Variants in ADGRL2 observed in about 807,000 individuals in gnomAD.
ADGRL2 encodes adhesion G protein-coupled receptor L2.
ADGRL2 carries 44 observed loss-of-function variants against 157.4 expected under a neutral mutation model. The observed-to-expected ratio is 0.28, with a 90% CI of 0.22 to 0.36. The LOEUF is 0.36. ADGRL2 is among the 10% of genes least tolerant of loss of function. The probability of loss-of-function intolerance (pLI) is 1.00; values close to 1 mark genes in which losing one functional copy is unlikely to be tolerated. For synonymous variants in ADGRL2, 585 were observed against 624.7 expected, an observed-to-expected ratio of 0.94 and a Z score of 0.95; for missense variants, 1,510 against 1,768.9, an observed-to-expected ratio of 0.85 and a Z score of 2.63.
intron 1 of ADGRL2, among the ~76,000 whole-genome samples, chr1:81,811,927 A>G (rs2089914583): frequency 6.6e-6 from 1 of 151,490 alleles, no homozygotes; most frequent in Admixed American, 6.6e-5. Flanking sequence ...AAGCAAGGTA[A>G]TGTTTTCTTT....
At chr1:81,756,766 A>G (rs184559645) in intron 1 of ADGRL2, among the ~76,000 whole-genome samples, 11 of 152,326 alleles carry the variant, frequency 7.2e-5, no homozygotes, top group Non-Finnish European at 1.3e-4. Flanking sequence ...AACAAATAAC[A>G]GAATTTTAAA....
intron 3 of ADGRL2, among the ~76,000 whole-genome samples, chr1:81,624,454 G>A (rs182104058): frequency 2.0e-5 from 3 of 152,068 alleles, no homozygotes; most frequent in East Asian, 2.0e-4. Context: ...GGTGGCCCGC[G>A]CCTGTAATCC....
chr1:81,973,099 C>T (rs1659233767), intron 17 of ADGRL2, among the ~76,000 whole-genome samples: 1 of 151,670 alleles, frequency 6.6e-6, no homozygotes, highest in Non-Finnish European at 1.5e-5. Context: ...TTGAGAAAAA[C>T]TTCTAGTACT....
chr1:81,318,164 A>G (rs1020584839), intron 1 of ADGRL2, among the ~76,000 whole-genome samples: 2 of 152,156 alleles, frequency 1.3e-5, no homozygotes, highest in African/African-American at 4.8e-5. Flanking sequence ...TGATTTCTGT[A>G]TTTTATGTTA....
At chr1:81,662,542 C>A (rs2082673031) in intron 3 of ADGRL2, among the ~76,000 whole-genome samples, 1 of 151,022 alleles carries the variant, frequency 6.6e-6, no homozygotes. Context: ...TGACGCCCAG[C>A]TTCGTTCATT....
rs375063340 is a variant in ADGRL2 at position 81,838,580 on chromosome 1, C to T, written c.73+1523C>T. Among the ~76,000 whole-genome samples, 105 of 152,080 alleles carry T rather than the reference C, an allele frequency of 6.9e-4. 2 individuals carry two copies. In the South Asian group the frequency reaches 0.013, roughly 19 times the overall value. On this transcript the variant is annotated intron_variant, in intron 2 of 23. Coordinates refer to ENST00000686636, the MANE Select transcript of ADGRL2 (RefSeq NM_001366006.2). ...TGTGTAGTCTGATGATTTTACATCT[C>T]GTTTTTGGGGAAGAAAACCTAACTG...
chr1:81,506,414 GA>G (rs1399838419), intron 2 of ADGRL2: 44 of 152,228 alleles, frequency 2.9e-4, no homozygotes, highest in African/African-American at 9.6e-4. Flanking sequence ...GATGGAGTTT[GA>G]CAAGAAATGT....
intron 2 of ADGRL2, among the ~76,000 whole-genome samples, chr1:81,905,551 A>G (rs2094568145): frequency 6.6e-6 from 1 of 151,098 alleles, no homozygotes; most frequent in Non-Finnish European, 1.5e-5. Flanking sequence ...CCTGCAAACT[A>G]ACAACAACAA....
intron 1 of ADGRL2, among the ~76,000 whole-genome samples, chr1:81,833,240 A>G (rs1191291768): frequency 6.6e-6 from 1 of 152,216 alleles, no homozygotes; most frequent in Non-Finnish European, 1.5e-5. Context: ...TTAATGTTTC[A>G]TTTTACACAG....
intron 1 of ADGRL2, among the ~76,000 whole-genome samples, chr1:81,378,149 A>C (rs1309900925): frequency 1.3e-5 from 2 of 151,272 alleles, no homozygotes; most frequent in Non-Finnish European, 2.9e-5. Context: ...ACTGCACTCC[A>C]TCTTGGCAAT....
chr1:81,374,146 C>A (rs1167176551), intron 1 of ADGRL2, among the ~76,000 whole-genome samples: 2 of 152,134 alleles, frequency 1.3e-5, no homozygotes, highest in Admixed American at 6.5e-5. Flanking sequence ...CTTAGCTATA[C>A]ATATACGTGG....
intron 3 of ADGRL2, among the ~76,000 whole-genome samples, chr1:81,594,196 A>G (rs2081187335): frequency 6.6e-6 from 1 of 152,166 alleles, no homozygotes; most frequent in East Asian, 1.9e-4. Context: ...ACTTCTCTTC[A>G]TCTTTATAAA....
rs75948030 is a variant in ADGRL2 at position 81,900,536 on chromosome 1, A to G, written c.74-6481A>G. On this transcript the variant is annotated intron_variant, in intron 2 of 23. Transcript: ENST00000686636. ...GTCAATGAAAGTAAACACTGTAGGGAAAAAAAAAAATGGGGAAAACCTGTA... is the reference window on the plus strand; with the variant it reads ...GTCAATGAAAGTAAACACTGTAGGGGAAAAAAAAAATGGGGAAAACCTGTA... Among the ~76,000 whole-genome samples the G allele has an allele frequency of 8.0e-3, 61 of 7,622 alleles. 1 individual carries two copies. The highest frequency in any genetic ancestry group is 0.051 in the Admixed American group (60 of 1,168). The allele number at this position is 7,622 out of a possible 152,430, so 5.0% of individuals were successfully genotyped here.
intron 3 of ADGRL2, among the ~76,000 whole-genome samples, chr1:81,911,710 T>C (rs893477698): frequency 6.6e-6 from 1 of 152,178 alleles, no homozygotes; most frequent in African/African-American, 2.4e-5. Context: ...CATGCATAGT[T>C]AGGTCTTTTG....
At chr1:81,467,691 A>G (rs1177813852) in intron 2 of ADGRL2, among the ~76,000 whole-genome samples, 1 of 152,148 alleles carries the variant, frequency 6.6e-6, no homozygotes, top group Non-Finnish European at 1.5e-5. Flanking sequence ...TGTGAGCAAG[A>G]TTGGGGTTTC....
At chr1:81,704,885 G>A (rs913045484) in intron 1 of ADGRL2, among the ~76,000 whole-genome samples, 1 of 152,086 alleles carries the variant, frequency 6.6e-6, no homozygotes, top group Non-Finnish European at 1.5e-5. Context: ...CTCAAATACT[G>A]GATGACATAG....
chr1:81,645,141 G>T (rs1479962381), intron 3 of ADGRL2, among the ~76,000 whole-genome samples: 1 of 152,036 alleles, frequency 6.6e-6, no homozygotes, highest in Non-Finnish European at 1.5e-5. Flanking sequence ...TACAATCCCA[G>T]CACTTTGAGA....
chr1:81,587,559 A>G (rs2081051949), intron 3 of ADGRL2, among the ~76,000 whole-genome samples: 1 of 152,126 alleles, frequency 6.6e-6, no homozygotes, highest in Admixed American at 6.6e-5. Context: ...TGGTAGGAGG[A>G]AGAGTCTATC....
At chr1:81,586,154 T>C (rs1246179760) in intron 3 of ADGRL2, 2 of 152,242 alleles carry the variant, frequency 1.3e-5, no homozygotes, top group African/African-American at 4.8e-5. Flanking sequence ...GCAATTTTGG[T>C]ATAATCCAAA....
Sources: gnomAD v4.1 joint callset for allele counts (sites outside exome capture counted in the v4.1 genomes callset) on GRCh38, gnomAD v4.1.1 for gene constraint, MANE v1.5 for transcripts, NCBI Gene and HGNC (gene_info 2026-07-23, HGNC 2026-07-21) for gene names.